Variants in SHISA9 observed in about 807,000 individuals in gnomAD.
SHISA9 encodes protein shisa-9.
A neutral mutation model predicts 38.0 loss-of-function variants in SHISA9; 13 were observed. That is an observed-to-expected ratio of 0.34 (90% CI 0.22 to 0.54). The LOEUF (loss-of-function observed/expected upper bound fraction) is 0.54. Ranked by LOEUF, SHISA9 falls within the 20% of genes least tolerant of loss-of-function variation. SHISA9 has a pLI of 0.91. For missense variants in SHISA9, 538 were observed against 575.8 expected (o/e 0.93, Z 0.67); for synonymous variants, 275 against 242.0 (o/e 1.14, Z -1.27).
Position 13,025,820 on chromosome 16 carries a change from G to T in SHISA9, c.691+109005G>T, listed in dbSNP as rs979140763. 3.4e-3 allele frequency among the ~76,000 whole-genome samples: 509 copies of T among 151,032 alleles called. 5 individuals are homozygous for T. The highest frequency in any genetic ancestry group is 0.012 in the African/African-American group (490 of 41,132). On this transcript the variant is annotated intron_variant, in intron 2 of 4. Transcript: ENST00000558583. ...AACCCTCTTAACAACATTTTTTTTG[G>T]GGGGGATGGAGTTTTCCTCTTGTTG... is the stretch of plus-strand genomic sequence containing the variant.
chr16:13,492,316 C>G, the SHISA9 span, among the ~76,000 whole-genome samples: 1 of 152,140 alleles, frequency 6.6e-6, no homozygotes, highest in Non-Finnish European at 1.5e-5. Context: ...AGCTGGGAAG[C>G]AGGCCATGTT....
chr16:13,446,390 G>A, the SHISA9 span, among the ~76,000 whole-genome samples: 1 of 152,180 alleles, frequency 6.6e-6, no homozygotes, highest in African/African-American at 2.4e-5. Context: ...GGGAGGCAAA[G>A]ATGTTGGAAC....
chr16:12,924,140 T>C (rs1386117437), intron 2 of SHISA9, among the ~76,000 whole-genome samples: 1 of 152,040 alleles, frequency 6.6e-6, no homozygotes, highest in African/African-American at 2.4e-5. Context: ...TTCCATCAGT[T>C]GAGTGGGGTG....
At chr16:13,556,326 T>C in the SHISA9 span, among the ~76,000 whole-genome samples, 1 of 152,194 alleles carries the variant, frequency 6.6e-6, no homozygotes, top group Non-Finnish European at 1.5e-5. Flanking sequence ...CCAGGATTCG[T>C]TGGAATTTGA....
At chr16:13,243,303 C>A (rs763540484), downstream of SHISA9, among the ~76,000 whole-genome samples, 19 of 151,716 alleles carry the variant, frequency 1.3e-4, no homozygotes, top group Non-Finnish European at 2.4e-4. Context: ...TGTGACACAG[C>A]CTCAGGAAGT....
At chr16:12,936,644 T>C (rs964961471) in intron 2 of SHISA9, among the ~76,000 whole-genome samples, 1 of 152,302 alleles carries the variant, frequency 6.6e-6, no homozygotes, top group African/African-American at 2.4e-5. Flanking sequence ...TTTAAAGATA[T>C]GCATTTTTCA....
the SHISA9 span, among the ~76,000 whole-genome samples, chr16:13,450,046 G>A: frequency 2.0e-5 from 3 of 152,132 alleles, no homozygotes. Context: ...GAACCTGGGA[G>A]GTGGAGGTTG....
chr16:13,343,596 C>T, the SHISA9 span, among the ~76,000 whole-genome samples: 2 of 152,090 alleles, frequency 1.3e-5, no homozygotes, highest in African/African-American at 4.8e-5. Context: ...AAATAATCAT[C>T]AACTGCTTTA....
At chr16:13,441,566 T>C in the SHISA9 span, among the ~76,000 whole-genome samples, 8 of 152,134 alleles carry the variant, frequency 5.3e-5, no homozygotes, top group Non-Finnish European at 1.2e-4. Context: ...GGTTAAATGA[T>C]GGTTGCTAGG....
At chr16:13,313,266 A>C in the SHISA9 span, among the ~76,000 whole-genome samples, 3 of 151,548 alleles carry the variant, frequency 2.0e-5, no homozygotes, top group African/African-American at 4.8e-5. Flanking sequence ...AAAAAAAAAA[A>C]AAAAAACCCA....
intron 2 of SHISA9, among the ~76,000 whole-genome samples, chr16:13,015,853 C>CTTT (rs2072737683): frequency 1.0e-5 from 1 of 98,558 alleles, no homozygotes. Context: ...TCTTTCTTTC[C>CTTT]CTTTCTTTCT....
chr16:13,298,957 G>A, the SHISA9 span, among the ~76,000 whole-genome samples: 1 of 152,276 alleles, frequency 6.6e-6, no homozygotes, highest in African/African-American at 2.4e-5. Flanking sequence ...TGCATGGGGT[G>A]CCTGGAAGCC....
chr16:13,541,341 A>G, the SHISA9 span, among the ~76,000 whole-genome samples: 1 of 152,212 alleles, frequency 6.6e-6, no homozygotes, highest in Non-Finnish European at 1.5e-5. Flanking sequence ...CAGCCTAAAG[A>G]ATTTTAAATT....
At chr16:13,505,510 T>C in the SHISA9 span, among the ~76,000 whole-genome samples, 3 of 152,200 alleles carry the variant, frequency 2.0e-5, no homozygotes, top group African/African-American at 7.2e-5. Context: ...GTTACCAAGA[T>C]TTTCAAGTGT....
At chr16:13,163,433 G>C (rs181928254) in intron 2 of SHISA9, among the ~76,000 whole-genome samples, 7 of 152,150 alleles carry the variant, frequency 4.6e-5, no homozygotes, top group Admixed American at 4.6e-4. Context: ...AAGTGTGCTT[G>C]AATTTTTACT....
At chr16:13,126,944 G>C (rs1489265274) in intron 2 of SHISA9, among the ~76,000 whole-genome samples, 1 of 145,804 alleles carries the variant, frequency 6.9e-6, no homozygotes, top group African/African-American at 2.6e-5. Flanking sequence ...GGGAGAGAGA[G>C]CTGAGGGAAG....
At chr16:13,032,161 C>G (rs941014948) in intron 2 of SHISA9, among the ~76,000 whole-genome samples, 1 of 152,096 alleles carries the variant, frequency 6.6e-6, no homozygotes, top group African/African-American at 2.4e-5. Flanking sequence ...TGTCCTAATG[C>G]TTTCCCTCCT....
intron 2 of SHISA9, among the ~76,000 whole-genome samples, chr16:13,200,761 G>C (rs1331564306): frequency 7.4e-6 from 1 of 135,596 alleles, no homozygotes; most frequent in Non-Finnish European, 1.6e-5. Flanking sequence ...CAAAGACTGG[G>C]TTACTTGGCA....
chr16:12,947,147 A>C (rs2071699335), intron 2 of SHISA9, among the ~76,000 whole-genome samples: 1 of 152,142 alleles, frequency 6.6e-6, no homozygotes, highest in African/African-American at 2.4e-5. Flanking sequence ...GGAAATGGCG[A>C]GGTTTGGGTT....
Sources: gnomAD v4.1 joint callset for allele counts (sites outside exome capture counted in the v4.1 genomes callset) on GRCh38, gnomAD v4.1.1 for gene constraint, MANE v1.5 for transcripts, NCBI Gene and HGNC (gene_info 2026-07-23, HGNC 2026-07-21) for gene names.